Variants in CAMK1D observed in about 807,000 individuals in gnomAD.
CAMK1D encodes the protein calcium/calmodulin-dependent protein kinase type 1D.
Under a neutral mutation model 47.7 loss-of-function variants are expected in CAMK1D, and 9 were observed. The ratio of observed to expected loss-of-function variants is 0.19; its 90% CI spans 0.11 to 0.33. CAMK1D has a LOEUF of 0.33. Among genes scored for constraint, CAMK1D ranks in the 10% least tolerant of loss-of-function variants. CAMK1D has a pLI of 1.00. For synonymous variants in CAMK1D, 184 were observed against 184.9 expected, an observed-to-expected ratio of 0.99 and a Z score of 0.04; for missense variants, 291 against 488.7, an observed-to-expected ratio of 0.60 and a Z score of 3.81.
At position 12,533,311 on chromosome 10, in the gene CAMK1D, C is replaced by T. The variant is rs1332120822; in HGVS notation, c.93-19914C>T. Among the ~76,000 whole-genome samples, 30 of 152,176 alleles carry T rather than the reference C, an allele frequency of 2.0e-4. 1 individual carries two copies. The highest frequency in any genetic ancestry group is 1.5e-5 in the Non-Finnish European group (1 of 68,034). On this transcript the variant is annotated intron_variant, in intron 1 of 10. Transcript: ENST00000619168. ...TGTTTCTCTGCACTGAATCATCTTT[C>T]CCTTGCATTGTTTATCTGGCTGTGA...
intron 3 of CAMK1D, among the ~76,000 whole-genome samples, chr10:12,674,109 C>T (rs1840716581): frequency 1.3e-5 from 2 of 152,178 alleles, no homozygotes; most frequent in African/African-American, 4.8e-5. Context: ...CCATGCCTGG[C>T]TAATTACTTT....
At chr10:12,356,810 G>A (rs561694226) in intron 1 of CAMK1D, among the ~76,000 whole-genome samples, 1 of 151,982 alleles carries the variant, frequency 6.6e-6, no homozygotes, top group Non-Finnish European at 1.5e-5. Flanking sequence ...GGAAGTGGGA[G>A]TTTGGGTAGA....
intron 5 of CAMK1D, among the ~76,000 whole-genome samples, chr10:12,785,111 C>G (rs1837667523): frequency 6.6e-6 from 1 of 152,216 alleles, no homozygotes; most frequent in South Asian, 2.1e-4. Flanking sequence ...CTCCAAAACG[C>G]TGGCTTTGGG....
chr10:12,431,643 G>A (rs773416349), intron 1 of CAMK1D, among the ~76,000 whole-genome samples: 2 of 152,192 alleles, frequency 1.3e-5, no homozygotes, highest in Non-Finnish European at 2.9e-5. Flanking sequence ...AGCGTGCTCT[G>A]TTACTCCAGG....
chr10:12,702,346 A>G (rs1391146027), intron 3 of CAMK1D, among the ~76,000 whole-genome samples: 1 of 152,212 alleles, frequency 6.6e-6, no homozygotes, highest in Non-Finnish European at 1.5e-5. Context: ...CCTGTTAAAT[A>G]TGCCACACCT....
chr10:12,765,027 G>A (rs560866739), intron 4 of CAMK1D, among the ~76,000 whole-genome samples: 4 of 152,212 alleles, frequency 2.6e-5, no homozygotes, highest in African/African-American at 7.2e-5. Context: ...CCCAAGAGGC[G>A]GAGGTTGCAG....
At chr10:12,403,926 A>G (rs1158098597) in intron 1 of CAMK1D, among the ~76,000 whole-genome samples, 1 of 151,028 alleles carries the variant, frequency 6.6e-6, no homozygotes, top group Non-Finnish European at 1.5e-5. Context: ...CCAGTTCTTG[A>G]TATCTTGTGG....
chr10:12,814,174 T>C (rs201410653), intron 6 of CAMK1D, 21 bp from the exon 7 acceptor site: 12 of 1,503,182 alleles, frequency 8.0e-6, no homozygotes, highest in Non-Finnish European at 1.1e-5. Context: ...GTTCCAGCTT[T>C]TACTCCATTT....
At chr10:12,587,371 A>G (rs944072611) in intron 2 of CAMK1D, among the ~76,000 whole-genome samples, 3 of 152,092 alleles carry the variant, frequency 2.0e-5, no homozygotes, top group African/African-American at 4.8e-5. Context: ...TTGGAGCTAA[A>G]AACGCATTGA....
At position 12,398,651 on chromosome 10, in the gene CAMK1D, A is replaced by G. The variant is rs867936288; in HGVS notation, c.92+48741A>G. Among the ~76,000 whole-genome samples the G allele has an allele frequency of 5.9e-5, 9 of 152,148 alleles. No individual in the cohort carries two copies. In the South Asian group the frequency reaches 1.9e-3, roughly 32 times the overall value. On this transcript the variant is annotated intron_variant, in intron 1 of 10. Transcript: ENST00000619168. ...GGCATGAGCCACCGTGCCCAGCCCA[A>G]AAGTTGTTGTATTTAGTTATTGTGA...
chr10:12,553,464 G>T (rs1836656871), intron 2 of CAMK1D, 108 bp downstream of exon 2: 2 of 846,246 alleles, frequency 2.4e-6, no homozygotes, highest in African/African-American at 3.4e-5. Context: ...GGGGCCCCCA[G>T]AGGACCCAGG....
At chr10:12,607,803 G>A (rs1040166126) in intron 2 of CAMK1D, among the ~76,000 whole-genome samples, 5 of 151,970 alleles carry the variant, frequency 3.3e-5, no homozygotes, top group African/African-American at 9.7e-5. Context: ...TCTACAAGAC[G>A]TACAAAATTT....
intron 2 of CAMK1D, among the ~76,000 whole-genome samples, chr10:12,605,017 A>T (rs1160649180): frequency 6.6e-6 from 1 of 151,734 alleles, no homozygotes; most frequent in African/African-American, 2.4e-5. Context: ...CCTCCTGAGT[A>T]GCTGGGACTA....
Position 12,522,808 on chromosome 10 carries a change from C to T in CAMK1D, c.93-30417C>T, listed in dbSNP as rs577270096. Among the ~76,000 whole-genome samples, 99 of 102,472 alleles carry T rather than the reference C, an allele frequency of 9.7e-4. 1 individual carries two copies. The highest frequency in any genetic ancestry group is 3.0e-3 in the African/African-American group (83 of 27,800). 67.2% of individuals were successfully genotyped at this position (102,472 alleles called of 152,430 possible). Reference sequence around the variant, plus strand: ...GGCGCCCACCACCTCCCAGACGGGGCGGCTGGCCGGGCGGAGGCGCCCCCC... The same window carrying T: ...GGCGCCCACCACCTCCCAGACGGGGTGGCTGGCCGGGCGGAGGCGCCCCCC... On this transcript the variant is annotated intron_variant, in intron 1 of 10. Coordinates refer to ENST00000619168, the MANE Select transcript of CAMK1D (RefSeq NM_153498.4).
rs150117228 is a variant in CAMK1D at position 12,469,252 on chromosome 10, C to T, written c.93-83973C>T. ...TCTATTTAGGGAGAGAAAAGCCACCCAGCATTTCTATAGTCTTGAATTAGA... is the reference window on the plus strand; with the variant it reads ...TCTATTTAGGGAGAGAAAAGCCACCTAGCATTTCTATAGTCTTGAATTAGA... On this transcript the variant is annotated intron_variant, in intron 1 of 10. Coordinates refer to ENST00000619168, the MANE Select transcript of CAMK1D (RefSeq NM_153498.4). 5.9e-5 allele frequency among the ~76,000 whole-genome samples: 9 copies of T among 152,208 alleles called. No homozygotes were observed. In the East Asian group the frequency reaches 1.7e-3, roughly 29 times the overall value.
At chr10:12,506,087 T>TC (rs1834862249) in intron 1 of CAMK1D, among the ~76,000 whole-genome samples, 2 of 152,284 alleles carry the variant, frequency 1.3e-5, no homozygotes, top group South Asian at 4.1e-4. Context: ...TGATGCCTGT[T>TC]CAGCTTGTTT....
chr10:12,627,726 A>G (rs1839262648), intron 2 of CAMK1D, among the ~76,000 whole-genome samples: 1 of 152,260 alleles, frequency 6.6e-6, no homozygotes, highest in South Asian at 2.1e-4. Flanking sequence ...CACTGCATGT[A>G]TGAAATTCCT....
chr10:12,803,678 CTA>C (rs1440251467), intron 6 of CAMK1D, among the ~76,000 whole-genome samples: 1 of 148,622 alleles, frequency 6.7e-6, no homozygotes, highest in Non-Finnish European at 1.5e-5. Context: ...ATAATAATAA[CTA>C]TGTGTGTGTG....
At chr10:12,373,894 G>A (rs1478693362) in intron 1 of CAMK1D, among the ~76,000 whole-genome samples, 3 of 147,394 alleles carry the variant, frequency 2.0e-5, no homozygotes, top group South Asian at 2.2e-4. Context: ...GGCCAACATG[G>A]TGAAACCCCA....
Sources: gnomAD v4.1 joint callset for allele counts (sites outside exome capture counted in the v4.1 genomes callset) on GRCh38, gnomAD v4.1.1 for gene constraint, MANE v1.5 for transcripts, NCBI Gene and HGNC (gene_info 2026-07-23, HGNC 2026-07-21) for gene names.